C8B: variants seen among roughly 807,000 people sequenced by gnomAD.
C8B encodes the protein complement component C8 beta chain.
Under a neutral mutation model 64.6 loss-of-function variants are expected in C8B, and 67 were observed. That is an observed-to-expected ratio of 1.04 (90% CI 0.85 to 1.27). The LOEUF is 1.27. C8B is among the 50% of genes most tolerant of loss of function. The pLI, the probability that C8B is intolerant of heterozygous loss-of-function variation, is 0.00. For synonymous variants in C8B, 284 were observed against 257.7 expected (o/e 1.10, Z -0.98); for missense variants, 790 against 725.2 (o/e 1.09, Z -1.03).
At position 56,949,732 on chromosome 1, in the gene C8B, G is replaced by A. The variant is rs745394337; in HGVS notation, c.687C>T (p.Phe229=). The A allele has an allele frequency of 1.2e-6, 2 of 1,613,074 alleles. No individual in the cohort carries two copies. The highest frequency in any genetic ancestry group is 3.3e-5 in the Admixed American group (2 of 59,998). Residue 229 remains phenylalanine, a synonymous_variant, in exon 6 of 12, where the codon TTC becomes TTT. Coordinates refer to ENST00000371237, the MANE Select transcript of C8B (RefSeq NM_000066.4). ...AGTATGATTCATACTCTTTTAATAT[G>A]AATTCGTATTTGCCTTGGGTCTAAA... ...YTPQTQGKYE[F]ILKEYESYSD...
Position 56,929,346 on chromosome 1 carries a change from C to T in C8B, c.*58G>A. Reference sequence around the variant, plus strand: ...GGAAACTGGTGTAGGGCTGAGCTGGCATGAGTTCTTGAGGGCTCAGGGCTC... The same window carrying T: ...GGAAACTGGTGTAGGGCTGAGCTGGTATGAGTTCTTGAGGGCTCAGGGCTC... On this transcript the variant is annotated 3_prime_UTR_variant, in exon 12 of 12. Transcript: ENST00000371237. 6.3e-7 allele frequency: 1 copy of T among 1,584,830 alleles called. No individual in the cohort carries two copies. Among genetic ancestry groups the T allele is most frequent in the Non-Finnish European group, 8.7e-7 (1 of 1,155,222 alleles).
chr1:56,944,900 C>CCATGT (rs1037777744), intron 7 of C8B, among the ~76,000 whole-genome samples: 1 of 152,098 alleles, frequency 6.6e-6, no homozygotes, highest in African/African-American at 2.4e-5. Context: ...CCAACAAGTG[C>CCATGT]CATGTCATAG....
intron 10 of C8B, 71 bp from the exon 11 acceptor site, chr1:56,931,949 C>T: frequency 9.6e-7 from 1 of 1,045,034 alleles, no homozygotes; most frequent in East Asian, 2.4e-5. Context: ...CTCAGCCCTC[C>T]AATCACTGCA....
Position 56,945,953 on chromosome 1 carries a change from G to C in C8B, c.973C>G (p.Pro325Ala). The change falls in exon 7 of 12, where the codon CCC becomes GCC. Residue 325 changes from proline to alanine, a missense_variant. Pro to Ala is a conservative substitution (Grantham distance 27, BLOSUM62 -1). Coordinates refer to ENST00000371237, the MANE Select transcript of C8B (RefSeq NM_000066.4). Reference sequence around the variant, plus strand: ...TATTCCCCGTAGCTGTACTCCAGGGGCAGCCGCTTAACTCTCTGAAGGAAC... The same window carrying C: ...TATTCCCCGTAGCTGTACTCCAGGGCCAGCCGCTTAACTCTCTGAAGGAAC... The part of the protein sequence containing the change: ...YEFLQRVKRL[P>A]LEYSYGEYRD... 13 of 1,614,132 alleles carry C rather than the reference G, an allele frequency of 8.1e-6. No individual in the cohort carries two copies. The highest frequency in any genetic ancestry group is 1.1e-5 in the Non-Finnish European group (13 of 1,180,008).
chr1:56,939,675 A>G (rs1473093957), intron 9 of C8B, among the ~76,000 whole-genome samples: 1 of 152,194 alleles, frequency 6.6e-6, no homozygotes, highest in African/African-American at 2.4e-5. Flanking sequence ...TTAGTTTAAC[A>G]TTGTAAAACT....
Position 56,933,379 on chromosome 1 carries a change from CAGGA to C in C8B, c.1504_1507del (p.Ser502AlafsTer14), listed in dbSNP as rs1205252757. On this transcript the variant is annotated frameshift_variant, in exon 10 of 12. Coordinates refer to ENST00000371237, the MANE Select transcript of C8B (RefSeq NM_000066.4). LOFTEE classifies it high-confidence loss of function. Reference sequence around the variant, plus strand: ...ATTTCCTTGGCAGGGAGCACAGTGGCAGGAACTAACTTCCTTCTGGAACTCCTCC... The same window carrying C: ...ATTTCCTTGGCAGGGAGCACAGTGGCACTAACTTCCTTCTGGAACTCCTCC... 1.2e-6 allele frequency: 2 copies of C among 1,613,612 alleles called. No individual in the cohort carries two copies. The highest frequency in any genetic ancestry group is 1.7e-6 in the Non-Finnish European group (2 of 1,179,664).
intron 8 of C8B, 34 bp downstream of exon 8, chr1:56,943,662 A>T (rs748144802): frequency 3.1e-6 from 5 of 1,613,304 alleles, no homozygotes; most frequent in Non-Finnish European, 4.2e-6. Context: ...GATAAACATT[A>T]TAAGTGTGGA....
intron 7 of C8B, among the ~76,000 whole-genome samples, chr1:56,944,096 A>G (rs931842566): frequency 2.0e-5 from 3 of 152,152 alleles, no homozygotes; most frequent in Non-Finnish European, 4.4e-5. Flanking sequence ...GCTCAAAGTC[A>G]TTTTCTAAAA....
intron 2 of C8B, chr1:56,959,606 A>T: frequency 6.5e-7 from 1 of 1,535,550 alleles, no homozygotes; most frequent in Non-Finnish European, 8.7e-7. Context: ...CTGGAAATGT[A>T]GGCTAGATTC....
intron 9 of C8B, among the ~76,000 whole-genome samples, chr1:56,940,522 A>G (rs1441139515): frequency 6.6e-6 from 1 of 152,082 alleles, no homozygotes; most frequent in Non-Finnish European, 1.5e-5. Context: ...ATCAGCCAAG[A>G]TCATGCCACT....
intron 4 of C8B, among the ~76,000 whole-genome samples, chr1:56,954,125 T>C (rs1214573455): frequency 6.6e-6 from 1 of 152,046 alleles, no homozygotes; most frequent in Non-Finnish European, 1.5e-5. Flanking sequence ...GGCAGGAAAG[T>C]AAGGTGCATG....
chr1:56,953,453 G>A (rs983042827), intron 4 of C8B, among the ~76,000 whole-genome samples: 1 of 152,182 alleles, frequency 6.6e-6, no homozygotes, highest in Non-Finnish European at 1.5e-5. Context: ...TAGGAGGTTA[G>A]TATTACTATT....
At position 56,960,909 on chromosome 1, in the gene C8B, A is replaced by G. The variant is rs560843608; in HGVS notation, c.93-733T>C. On this transcript the variant is annotated intron_variant, in intron 1 of 11. Transcript: ENST00000371237. ...ATGAAACACCTACGGAGACTCATTT[A>G]GTAAATAGTTCCTATATGGGCTTGG... Among the ~76,000 whole-genome samples, 7 of 152,070 alleles carry G rather than the reference A, an allele frequency of 4.6e-5. No homozygotes were observed. The South Asian group carries it at 1.5e-3, about 32-fold the overall frequency.
intron 4 of C8B, among the ~76,000 whole-genome samples, chr1:56,952,765 T>A (rs1028736100): frequency 2.0e-5 from 3 of 152,320 alleles, no homozygotes; most frequent in African/African-American, 7.2e-5. Context: ...GGTGGCCACT[T>A]ACTACCTGTG....
intron 6 of C8B, among the ~76,000 whole-genome samples, chr1:56,949,074 G>C (rs529976394): frequency 6.6e-6 from 1 of 151,878 alleles, no homozygotes; most frequent in Non-Finnish European, 1.5e-5. Flanking sequence ...TAGTTGTAAC[G>C]TGGAATATAG....
intron 7 of C8B, 108 bp downstream of exon 7, chr1:56,945,713 A>G (rs774092403): frequency 1.9e-4 from 269 of 1,379,620 alleles, no homozygotes; most frequent in Non-Finnish European, 2.7e-4. Flanking sequence ...AGGAATCTGC[A>G]AATGACACTG....
At chr1:56,951,091 A>G (rs1570394989) in intron 5 of C8B, among the ~76,000 whole-genome samples, 1 of 152,256 alleles carries the variant, frequency 6.6e-6, no homozygotes, top group East Asian at 1.9e-4. Flanking sequence ...CAATAAATAC[A>G]TTTTAAAGAC....
At chr1:56,960,929 G>C (rs540020987) in intron 1 of C8B, among the ~76,000 whole-genome samples, 77 of 152,262 alleles carry the variant, frequency 5.1e-4, no homozygotes, top group Admixed American at 3.3e-3. Flanking sequence ...TCCTATATGG[G>C]CTTGGATCTC....
intron 9 of C8B, among the ~76,000 whole-genome samples, chr1:56,938,902 T>C (rs1644810911): frequency 6.8e-6 from 1 of 146,272 alleles, no homozygotes; most frequent in African/African-American, 2.5e-5. Context: ...AAAAAAAAAA[T>C]GCATGTGAGA....
Sources: gnomAD v4.1 joint callset for allele counts (sites outside exome capture counted in the v4.1 genomes callset) on GRCh38, gnomAD v4.1.1 for gene constraint, MANE v1.5 for transcripts, NCBI Gene and HGNC (gene_info 2026-07-23, HGNC 2026-07-21) for gene names.